Variants in TOP6BL observed in about 807,000 individuals in gnomAD.
TOP6BL encodes type 2 DNA topoisomerase 6 subunit B-like.
chr11:66,749,504 A>G, the TOP6BL span, among the ~76,000 whole-genome samples: 1 of 152,150 alleles, frequency 6.6e-6, no homozygotes, highest in African/African-American at 2.4e-5. Flanking sequence ...TCTTTAGCCC[A>G]CCTAGAATAG....
chr11:66,780,072 C>A, the TOP6BL span, among the ~76,000 whole-genome samples: 1 of 151,814 alleles, frequency 6.6e-6, no homozygotes, highest in South Asian at 2.1e-4. Flanking sequence ...TGGCGAGTTA[C>A]TGGGTGCAAC....
chr11:66,842,200 C>G, the TOP6BL span, among the ~76,000 whole-genome samples: 1 of 152,154 alleles, frequency 6.6e-6, no homozygotes, highest in East Asian at 1.9e-4. Context: ...AAGACCTTGT[C>G]TCAAAAAAAC....
chr11:66,771,506 C>G, the TOP6BL span: 1 of 152,620 alleles, frequency 6.6e-6, no homozygotes, highest in Non-Finnish European at 1.5e-5. Context: ...CCTCTGCACC[C>G]TTACACTTCT....
At chr11:66,752,911 C>T in the TOP6BL span, among the ~76,000 whole-genome samples, 1 of 152,034 alleles carries the variant, frequency 6.6e-6, no homozygotes, top group Non-Finnish European at 1.5e-5. Flanking sequence ...AGCGGATTGC[C>T]TGAGCTCAGG....
the TOP6BL span, among the ~76,000 whole-genome samples, chr11:66,825,104 T>C: frequency 3.3e-5 from 5 of 151,710 alleles, no homozygotes; most frequent in Non-Finnish European, 7.4e-5. Context: ...CCTCAGGTGA[T>C]CCACCCGCCT....
At chr11:66,822,586 C>T in the TOP6BL span, 13 of 1,552,348 alleles carry the variant, frequency 8.4e-6, no homozygotes, top group Non-Finnish European at 1.1e-5. Context: ...CTACAGGCCT[C>T]ACTCTCAGTG....
chr11:66,780,029 G>A, the TOP6BL span, among the ~76,000 whole-genome samples: 13 of 126,518 alleles, frequency 1.0e-4, no homozygotes, highest in Admixed American at 1.0e-3. Flanking sequence ...GGGAGGGGGA[G>A]GGATAGCATT....
At chr11:66,794,797 T>C in the TOP6BL span, among the ~76,000 whole-genome samples, 1 of 152,160 alleles carries the variant, frequency 6.6e-6, no homozygotes, top group Non-Finnish European at 1.5e-5. Flanking sequence ...CTAAGTGACC[T>C]TAGGCATGTT....
the TOP6BL span, among the ~76,000 whole-genome samples, chr11:66,804,939 C>T: frequency 3.9e-5 from 6 of 152,192 alleles, no homozygotes; most frequent in East Asian, 1.9e-4. Flanking sequence ...TGGTGGCAGG[C>T]GCCTGTAATC....
the TOP6BL span, among the ~76,000 whole-genome samples, chr11:66,773,317 G>T: frequency 6.6e-6 from 1 of 151,496 alleles, no homozygotes; most frequent in Non-Finnish European, 1.5e-5. Context: ...GCCTCCTAAA[G>T]TGCTGGGATT....
chr11:66,843,015 G>A, the TOP6BL span: 1 of 1,553,314 alleles, frequency 6.4e-7, no homozygotes. Flanking sequence ...AGCACCGCGA[G>A]GCTCACGGCA....
At chr11:66,814,538 C>T in the TOP6BL span, among the ~76,000 whole-genome samples, 2 of 152,114 alleles carry the variant, frequency 1.3e-5, no homozygotes, top group Non-Finnish European at 1.5e-5. Context: ...GCTGGTATTA[C>T]AGGTGTGAGC....
chr11:66,768,827 C>G, the TOP6BL span, among the ~76,000 whole-genome samples: 1 of 152,060 alleles, frequency 6.6e-6, no homozygotes, highest in South Asian at 2.1e-4. Flanking sequence ...TATTCCTTTT[C>G]CTTTTGAACT....
chr11:66,780,819 C>T, the TOP6BL span, among the ~76,000 whole-genome samples: 2 of 151,978 alleles, frequency 1.3e-5, no homozygotes, highest in Admixed American at 6.6e-5. Flanking sequence ...TGGCCTCAAG[C>T]GATCCACCTA....
the TOP6BL span, among the ~76,000 whole-genome samples, chr11:66,776,857 C>G: frequency 3.3e-5 from 5 of 152,024 alleles, no homozygotes; most frequent in African/African-American, 1.2e-4. Context: ...GAAGACCAGC[C>G]TGGGCAGCAT....
chr11:66,825,565 G>C, the TOP6BL span, among the ~76,000 whole-genome samples: 1 of 151,700 alleles, frequency 6.6e-6, no homozygotes, highest in Admixed American at 6.6e-5. Context: ...GAAGTGGGCA[G>C]CCTACAGCCC....
the TOP6BL span, among the ~76,000 whole-genome samples, chr11:66,805,822 T>C: frequency 2.0e-5 from 3 of 152,192 alleles, no homozygotes; most frequent in Admixed American, 2.0e-4. Flanking sequence ...TGCACAACTC[T>C]TTGAATATTC....
chr11:66,745,052 G>T, the TOP6BL span: 1 of 947,476 alleles, frequency 1.1e-6, no homozygotes. Context: ...ATCGAGGCCC[G>T]TCTCCCACGG....
the TOP6BL span, chr11:66,828,312 G>T: frequency 1.2e-6 from 2 of 1,613,786 alleles, no homozygotes; most frequent in South Asian, 2.2e-5. Context: ...AAAGTATTTC[G>T]TGAGATCACC....
Sources: gnomAD v4.1 joint callset for allele counts (sites outside exome capture counted in the v4.1 genomes callset) on GRCh38, gnomAD v4.1.1 for gene constraint, MANE v1.5 for transcripts, NCBI Gene and HGNC (gene_info 2026-07-23, HGNC 2026-07-21) for gene names.